Variants in CALB1 observed in about 807,000 individuals in gnomAD.
The protein encoded by CALB1 is calbindin.
CALB1 carries 16 observed loss-of-function variants against 46.7 expected under a neutral mutation model. The ratio of observed to expected loss-of-function variants is 0.34; its 90% CI spans 0.23 to 0.52. The LOEUF (loss-of-function observed/expected upper bound fraction) is 0.52, where lower values mean the gene tolerates loss of function less well. Ranked by LOEUF, CALB1 falls within the 20% of genes least tolerant of loss-of-function variation. The probability of loss-of-function intolerance (pLI) is 0.95; values close to 1 mark genes in which losing one functional copy is unlikely to be tolerated. For missense variants in CALB1, 224 were observed against 300.3 expected (o/e 0.75, Z 1.88); for synonymous variants, 90 against 112.8 (o/e 0.80, Z 1.28).
At chr8:90,062,562 A>C (rs1339901953) in intron 9 of CALB1, 1 of 152,030 alleles carries the variant, frequency 6.6e-6, no homozygotes, top group Non-Finnish European at 1.5e-5. Flanking sequence ...AAGGTATATA[A>C]ATGGCCAACA....
chr8:90,078,302 G>A lies in CALB1; in HGVS notation c.231+71C>T, dbSNP rs568005441. On this transcript the variant is annotated intron_variant, in intron 3 of 10. Coordinates refer to ENST00000265431, the MANE Select transcript of CALB1 (RefSeq NM_004929.4). ...GAATGGGTCTTGCTATATCTTACTT[G>A]ACTTGAAGACAACTTCAAAATTGAA... 88 of 910,804 alleles carry A rather than the reference G, an allele frequency of 9.7e-5. No homozygotes were observed. In the South Asian group the frequency reaches 1.2e-3, roughly 12 times the overall value. 56.4% of individuals were successfully genotyped at this position (910,804 alleles called of 1,614,324 possible).
At chr8:90,068,957 A>G (rs1352948165) in intron 5 of CALB1, 41 bp downstream of exon 5, 2 of 1,450,156 alleles carry the variant, frequency 1.4e-6, no homozygotes, top group East Asian at 2.3e-5. Context: ...TCATAATTGC[A>G]TCTGAAAGGA....
At chr8:90,061,873 C>T (rs991723624) in intron 9 of CALB1, 3 of 151,966 alleles carry the variant, frequency 2.0e-5, no homozygotes, top group African/African-American at 7.2e-5. Context: ...TCATATGTAA[C>T]CACAAAAGAT....
At chr8:90,078,486 A>T in intron 2 of CALB1, 39 bp from the exon 3 acceptor site, 1 of 1,184,152 alleles carries the variant, frequency 8.4e-7, no homozygotes, top group East Asian at 2.4e-5. Context: ...TTTGTTAAAA[A>T]AATACCAGTT....
At chr8:90,070,434 CT>C (rs978361778) in intron 3 of CALB1, among the ~76,000 whole-genome samples, 39 of 152,174 alleles carry the variant, frequency 2.6e-4, no homozygotes, top group African/African-American at 8.9e-4. Context: ...ACTATCATAA[CT>C]TTTTTTAAAA....
rs528241618 is a variant in CALB1, at chr8:90,080,131, C to T, written c.157-1684G>A. On this transcript the variant is annotated intron_variant, in intron 2 of 10. Coordinates refer to ENST00000265431, the MANE Select transcript of CALB1 (RefSeq NM_004929.4). The stretch of plus-strand genomic sequence containing the variant: ...TGTATTTACATTCCAGAAAAATGCT[C>T]AAGAATCAAGGTATTAAGCAACTTG... Among the ~76,000 whole-genome samples the T allele has an allele frequency of 4.0e-5, 6 of 151,860 alleles. No homozygotes were observed. The South Asian group carries it at 1.2e-3, about 32-fold the overall frequency.
intron 6 of CALB1, among the ~76,000 whole-genome samples, chr8:90,065,481 G>A (rs1161806412): frequency 6.6e-6 from 1 of 151,668 alleles, no homozygotes; most frequent in Non-Finnish European, 1.5e-5. Flanking sequence ...TCAACAAAGT[G>A]TGATTTCCCA....
chr8:90,075,190 G>C (rs1443284705), intron 3 of CALB1, among the ~76,000 whole-genome samples: 1 of 152,192 alleles, frequency 6.6e-6, no homozygotes, highest in Non-Finnish European at 1.5e-5. Flanking sequence ...CATGTTGTTA[G>C]AAAGTGTCAG....
chr8:90,067,270 G>A (rs1814417023), intron 5 of CALB1, among the ~76,000 whole-genome samples: 1 of 152,156 alleles, frequency 6.6e-6, no homozygotes, highest in East Asian at 1.9e-4. Flanking sequence ...TTTCTTGAAA[G>A]ATCCATTAAA....
intron 3 of CALB1, among the ~76,000 whole-genome samples, chr8:90,073,149 T>C (rs1448396363): frequency 6.6e-6 from 1 of 152,198 alleles, no homozygotes; most frequent in Non-Finnish European, 1.5e-5. Flanking sequence ...GGTAATTAAC[T>C]ATTTGTTTAG....
Position 90,082,091 on chromosome 8 carries a change from G to T in CALB1, c.91C>A (p.Leu31Met). Reference sequence around the variant, plus strand: ...AAGTTCTGCAGCTCCTTTCCTTCCAGGTAACCACTTCCTGCAAAGACAAAG... The same window carrying T: ...AAGTTCTGCAGCTCCTTTCCTTCCATGTAACCACTTCCTGCAAAGACAAAG... ...LHFDADGSGY[L>M]EGKELQNLIQ... Residue 31 changes from leucine (L) to methionine (M), a missense_variant, in exon 2 of 11, where the codon CTG becomes ATG. Leu to Met is a conservative substitution (Grantham distance 15). Transcript: ENST00000265431. The T allele has an allele frequency of 5.6e-6, 9 of 1,613,824 alleles. No homozygotes were observed. Among genetic ancestry groups the T allele is most frequent in the Non-Finnish European group, 7.6e-6 (9 of 1,179,860 alleles).
At chr8:90,068,918 G>A in intron 5 of CALB1, 80 bp downstream of exon 5, 1 of 1,032,202 alleles carries the variant, frequency 9.7e-7, no homozygotes, top group African/African-American at 1.6e-5. Context: ...TTTGTGGGAG[G>A]TTTTTTAAAA....
intron 1 of CALB1, 119 bp downstream of exon 1, chr8:90,082,500 G>A: frequency 2.4e-6 from 2 of 824,858 alleles, no homozygotes; most frequent in Non-Finnish European, 4.2e-6. Flanking sequence ...TAGGCAGAAG[G>A]GGGAAGAAGT....
At chr8:90,075,872 G>A (rs1177494823) in intron 3 of CALB1, among the ~76,000 whole-genome samples, 1 of 152,012 alleles carries the variant, frequency 6.6e-6, no homozygotes, top group Non-Finnish European at 1.5e-5. Flanking sequence ...TGTCTTGGCT[G>A]ATAACTAAGA....
intron 3 of CALB1, among the ~76,000 whole-genome samples, chr8:90,076,583 A>C (rs552790721): frequency 6.6e-6 from 1 of 152,070 alleles, no homozygotes; most frequent in East Asian, 1.9e-4. Flanking sequence ...AAAGCTTCTC[A>C]CTTCTTTATT....
At chr8:90,065,095 G>A (rs1227569091) in intron 6 of CALB1, among the ~76,000 whole-genome samples, 1 of 151,788 alleles carries the variant, frequency 6.6e-6, no homozygotes, top group Admixed American at 6.6e-5. Context: ...TACCTTCACA[G>A]TACTGAAAGC....
chr8:90,082,159 G>A, intron 1 of CALB1, 57 bp from the exon 2 acceptor site: 2 of 1,446,118 alleles, frequency 1.4e-6, no homozygotes, highest in African/African-American at 1.4e-5. Flanking sequence ...TGTCTTTCCC[G>A]TTCACTTTCC....
At chr8:90,068,850 C>T in intron 5 of CALB1, 148 bp downstream of exon 5, 1 of 569,368 alleles carries the variant, frequency 1.8e-6, no homozygotes, top group Non-Finnish European at 3.1e-6. Flanking sequence ...TGATCTGGTA[C>T]TTCATTAACA....
chr8:90,068,893 TC>T lies in CALB1; in HGVS notation c.372+104del, dbSNP rs1164093890. On this transcript the variant is annotated intron_variant, in intron 5 of 10. Transcript: ENST00000265431. Reference sequence around the variant, plus strand: ...AGAGTAGGTGAAAATGTGACACTGTTCAACATTAGTTTCTTTTGTGGGAGGT... The same window carrying T: ...AGAGTAGGTGAAAATGTGACACTGTTAACATTAGTTTCTTTTGTGGGAGGT... 1.5e-5 allele frequency: 11 copies of T among 750,564 alleles called. No homozygotes were observed. The East Asian group carries it at 2.6e-4, about 18-fold the overall frequency. 46.5% of individuals were successfully genotyped at this position (750,564 alleles called of 1,614,324 possible).
Sources: allele counts gnomAD v4.1 joint callset (sites outside exome capture counted in the v4.1 genomes callset), GRCh38; gene constraint gnomAD v4.1.1; transcripts MANE v1.5; gene names NCBI Gene and HGNC (gene_info 2026-07-23, HGNC 2026-07-21).